THRB: variants seen among roughly 807,000 people sequenced by gnomAD.
The protein encoded by THRB is nuclear receptor subfamily 1 group A member 2.
THRB carries 12 observed loss-of-function variants against 47.8 expected under a neutral mutation model. That is an observed-to-expected ratio of 0.25 (90% CI 0.16 to 0.41). The LOEUF (loss-of-function observed/expected upper bound fraction) is 0.41, where lower values mean the gene tolerates loss of function less well. THRB is among the 10% of genes least tolerant of loss of function. THRB has a pLI of 1.00. For missense variants in THRB, 348 were observed against 589.2 expected, an observed-to-expected ratio of 0.59 and a Z score of 4.24; for synonymous variants, 218 against 212.2, an observed-to-expected ratio of 1.03 and a Z score of -0.24.
chr3:24,163,317 A>C (rs572080563), intron 5 of THRB, among the ~76,000 whole-genome samples: 2 of 152,334 alleles, frequency 1.3e-5, no homozygotes, highest in East Asian at 3.9e-4. Context: ...CTTTGAAATT[A>C]CATCAATATA....
intron 3 of THRB, among the ~76,000 whole-genome samples, 160 bp downstream of exon 3, chr3:24,297,066 T>A (rs1325476033): frequency 1.3e-5 from 2 of 152,176 alleles, no homozygotes; most frequent in Non-Finnish European, 2.9e-5. Flanking sequence ...AGGGAAGACA[T>A]CTTTTGAAGG....
chr3:24,349,165 G>A (rs2063207516), intron 1 of THRB, among the ~76,000 whole-genome samples: 1 of 151,916 alleles, frequency 6.6e-6, no homozygotes, highest in African/African-American at 2.4e-5. Context: ...AGATATCCAA[G>A]ACTTCTAAAT....
chr3:24,269,956 C>CTT (rs569770323), intron 3 of THRB, among the ~76,000 whole-genome samples: 7 of 151,002 alleles, frequency 4.6e-5, no homozygotes, highest in Non-Finnish European at 3.0e-5. Context: ...AAACTCTTAG[C>CTT]TTTTTTTTTG....
chr3:24,138,190 T>C (rs1331913142), intron 8 of THRB, among the ~76,000 whole-genome samples: 1 of 152,104 alleles, frequency 6.6e-6, no homozygotes, highest in African/African-American at 2.4e-5. Context: ...CTTCTTGGCT[T>C]GAAAAGGTAA....
At position 24,235,268 on chromosome 3, in the gene THRB, T is replaced by C. The variant is rs550024052; in HGVS notation, c.-42-6267A>G. On this transcript the variant is annotated intron_variant, in intron 3 of 10. Coordinates refer to ENST00000646209, the MANE Select transcript of THRB (RefSeq NM_001354712.2). ...AGCACGCTTGCCCTGACCACACACC[T>C]TTGTCCCCTTGTGTTTCCTTTCTCT... Among the ~76,000 whole-genome samples, 10 of 152,278 alleles carry C rather than the reference T, an allele frequency of 6.6e-5. 1 individual carries two copies. Among genetic ancestry groups the C allele is most frequent in the Admixed American group, 6.5e-4 (10 of 15,296 alleles).
At chr3:24,213,948 A>C (rs1393738502) in intron 4 of THRB, among the ~76,000 whole-genome samples, 1 of 152,178 alleles carries the variant, frequency 6.6e-6, no homozygotes, top group Non-Finnish European at 1.5e-5. Flanking sequence ...ACTGTGGGGG[A>C]TCATGATGAT....
At chr3:24,456,761 CTT>C (rs2073209322) in intron 1 of THRB, among the ~76,000 whole-genome samples, 5 of 151,874 alleles carry the variant, frequency 3.3e-5, no homozygotes, top group African/African-American at 9.6e-5. Flanking sequence ...TATACAATAT[CTT>C]ATACACTGTC....
At chr3:24,380,743 G>A (rs1404323275) in intron 1 of THRB, among the ~76,000 whole-genome samples, 4 of 152,122 alleles carry the variant, frequency 2.6e-5, no homozygotes, top group African/African-American at 9.7e-5. Flanking sequence ...ACAGAAGGTA[G>A]CAATTACTTC....
rs547418060 is a variant in THRB, at chr3:24,160,468, G to A, written c.284-7978C>T. The stretch of plus-strand genomic sequence containing the variant: ...GGAAAACATGGCGGGAGGTATCTGC[G>A]GATAAGGAAAGCAGGTGTGTGGGGT... On this transcript the variant is annotated intron_variant, in intron 5 of 10. Transcript: ENST00000646209. 6.6e-4 allele frequency among the ~76,000 whole-genome samples: 100 copies of A among 152,236 alleles called. 1 individual carries two copies. In the South Asian group the frequency reaches 0.019, roughly 30 times the overall value.
chr3:24,152,499 G>A lies in THRB; in HGVS notation c.284-9C>T. On this transcript the variant is annotated splice_polypyrimidine_tract_variant and intron_variant, in intron 5 of 10. Coordinates refer to ENST00000646209, the MANE Select transcript of THRB (RefSeq NM_001354712.2). Reference sequence around the variant, plus strand: ...GTAACTGGGGATGTACCCTGTGAAGGAAATAAAAGAAGGAATATTAAAAAA... The same window carrying A: ...GTAACTGGGGATGTACCCTGTGAAGAAAATAAAAGAAGGAATATTAAAAAA... The A allele has an allele frequency of 8.1e-6, 11 of 1,365,956 alleles. No homozygotes were observed. Among genetic ancestry groups the A allele is most frequent in the Non-Finnish European group, 1.0e-5 (10 of 954,232 alleles). The allele number at this position is 1,365,956 out of a possible 1,614,324, so 84.6% of individuals were successfully genotyped here.
intron 1 of THRB, among the ~76,000 whole-genome samples, chr3:24,488,545 T>C (rs934480682): frequency 2.0e-5 from 3 of 150,236 alleles, no homozygotes; most frequent in South Asian, 2.1e-4. Flanking sequence ...AGTTGGACCA[T>C]GAATTTGCCT....
chr3:24,250,497 G>C (rs1293876007), intron 3 of THRB, among the ~76,000 whole-genome samples: 5 of 152,150 alleles, frequency 3.3e-5, no homozygotes, highest in African/African-American at 1.2e-4. Flanking sequence ...AAGAGTTCAA[G>C]AGTAGCCTGG....
chr3:24,390,321 G>A (rs1260447308), intron 1 of THRB, among the ~76,000 whole-genome samples: 3 of 152,054 alleles, frequency 2.0e-5, no homozygotes, highest in South Asian at 4.1e-4. Flanking sequence ...AGTGGTTTTC[G>A]AACACTCCTA....
rs114118874 is a variant in THRB at position 24,467,474 on chromosome 3, T to C, written c.-261+27178A>G. ...CAGATCAATCAGAGGAATCTCTATC[T>C]ATGCAGCTATAGCCTTAAGAAATGT... On this transcript the variant is annotated intron_variant, in intron 1 of 10. Transcript: ENST00000646209. 7.8e-3 allele frequency among the ~76,000 whole-genome samples: 1,185 copies of C among 152,322 alleles called. 12 individuals are homozygous for C. Among genetic ancestry groups the C allele is most frequent in the African/African-American group, 0.026 (1,092 of 41,576 alleles).
chr3:24,181,623 G>C (rs966628143), intron 5 of THRB, among the ~76,000 whole-genome samples: 5 of 152,194 alleles, frequency 3.3e-5, no homozygotes, highest in Non-Finnish European at 7.3e-5. Context: ...CAGTGAGATA[G>C]GTGACATTTG....
chr3:24,403,752 G>A (rs955415756), intron 1 of THRB, among the ~76,000 whole-genome samples: 1 of 151,952 alleles, frequency 6.6e-6, no homozygotes, highest in African/African-American at 2.4e-5. Context: ...AGTGACGAAA[G>A]GGCAAGTATA....
intron 4 of THRB, among the ~76,000 whole-genome samples, chr3:24,209,203 G>T (rs1275656420): frequency 6.6e-6 from 1 of 152,236 alleles, no homozygotes; most frequent in Non-Finnish European, 1.5e-5. Flanking sequence ...TAGAGAGGAT[G>T]TGGAGAAATA....
chr3:24,330,951 C>T (rs571434373), intron 2 of THRB, among the ~76,000 whole-genome samples: 1 of 152,284 alleles, frequency 6.6e-6, no homozygotes, highest in South Asian at 2.1e-4. Flanking sequence ...CAAACTTTGT[C>T]ATTTTTGTGT....
At chr3:24,161,151 C>T (rs2038747719) in intron 5 of THRB, among the ~76,000 whole-genome samples, 1 of 152,196 alleles carries the variant, frequency 6.6e-6, no homozygotes, top group African/African-American at 2.4e-5. Flanking sequence ...ACCTTTTGTA[C>T]AGTGAATATG....
Sources: allele counts gnomAD v4.1 joint callset (sites outside exome capture counted in the v4.1 genomes callset), GRCh38; gene constraint gnomAD v4.1.1; transcripts MANE v1.5; gene names NCBI Gene and HGNC (gene_info 2026-07-23, HGNC 2026-07-21).